Variants in MCC observed in about 807,000 individuals in gnomAD.
The protein encoded by MCC is colorectal mutant cancer protein.
MCC carries 90 observed loss-of-function variants against 116.2 expected under a neutral mutation model. The observed-to-expected ratio is 0.77, with a 90% CI of 0.65 to 0.92. The LOEUF is 0.92. Ranked by LOEUF, MCC falls within the 40% of genes least tolerant of loss-of-function variation. The probability of loss-of-function intolerance (pLI) is 0.00; values close to 1 mark genes in which losing one functional copy is unlikely to be tolerated. For missense variants in MCC, 1,516 were observed against 1,312.2 expected, an observed-to-expected ratio of 1.16 and a Z score of -2.40; for synonymous variants, 578 against 510.5, an observed-to-expected ratio of 1.13 and a Z score of -1.78.
chr5:113,207,104 G>A (rs903010861), intron 3 of MCC, among the ~76,000 whole-genome samples: 1 of 152,174 alleles, frequency 6.6e-6, no homozygotes, highest in Non-Finnish European at 1.5e-5. Flanking sequence ...TTTTTCCAAA[G>A]AGCTGGCATC....
intron 2 of MCC, among the ~76,000 whole-genome samples, chr5:113,358,988 A>T (rs1007889243): frequency 1.3e-5 from 2 of 152,176 alleles, no homozygotes; most frequent in African/African-American, 4.8e-5. Flanking sequence ...CTGGGTGGGA[A>T]TGTACAGATA....
chr5:113,458,400 C>T (rs1771642456), intron 1 of MCC, among the ~76,000 whole-genome samples: 1 of 151,426 alleles, frequency 6.6e-6, no homozygotes, highest in African/African-American at 2.4e-5. Flanking sequence ...GGACCACGAA[C>T]CCACCAGAAG....
chr5:113,440,122 C>T (rs1561573808), intron 1 of MCC, among the ~76,000 whole-genome samples: 1 of 152,216 alleles, frequency 6.6e-6, no homozygotes, highest in Non-Finnish European at 1.5e-5. Flanking sequence ...ATACCCTCAT[C>T]TCTTCTCACC....
At chr5:113,395,908 A>G (rs1461630243) in intron 1 of MCC, among the ~76,000 whole-genome samples, 2 of 152,152 alleles carry the variant, frequency 1.3e-5, no homozygotes, top group African/African-American at 4.8e-5. Context: ...GGACTGGGAA[A>G]TGGGAGAGGG....
At chr5:113,129,743 A>G (rs1416445175) in intron 5 of MCC, among the ~76,000 whole-genome samples, 1 of 152,272 alleles carries the variant, frequency 6.6e-6, no homozygotes, top group Admixed American at 6.5e-5. Context: ...AAAGCTCATC[A>G]TCACTGGTCA....
chr5:113,362,432 C>G (rs1768573440), intron 2 of MCC, among the ~76,000 whole-genome samples: 1 of 152,182 alleles, frequency 6.6e-6, no homozygotes, highest in Non-Finnish European at 1.5e-5. Flanking sequence ...GCATATCTTG[C>G]AGTTGGGTGG....
At chr5:113,120,571 T>A (rs941814479) in intron 6 of MCC, among the ~76,000 whole-genome samples, 2 of 152,230 alleles carry the variant, frequency 1.3e-5, no homozygotes, top group African/African-American at 4.8e-5. Context: ...TATTACCTCA[T>A]TCATTCATTC....
intron 17 of MCC, among the ~76,000 whole-genome samples, chr5:113,032,874 G>A (rs879699153): frequency 3.3e-5 from 5 of 152,158 alleles, no homozygotes; most frequent in Admixed American, 6.5e-5. Flanking sequence ...TCTCACCAGC[G>A]CCACAACAGT....
chr5:113,438,086 C>G (rs1770913279), intron 1 of MCC, among the ~76,000 whole-genome samples: 1 of 152,130 alleles, frequency 6.6e-6, no homozygotes, highest in South Asian at 2.1e-4. Flanking sequence ...TTTTCTAATG[C>G]AAAATGCATG....
In MCC at chr5:113,071,208, T is replaced by C; in HGVS notation, c.1811A>G (p.Asn604Ser). The C allele has an allele frequency of 1.9e-6, 3 of 1,614,096 alleles. No homozygotes were observed. The highest frequency in any genetic ancestry group is 2.5e-6 in the Non-Finnish European group (3 of 1,179,986). The change falls in exon 12 of 19, where the codon AAT becomes AGT. Residue 604 changes from asparagine (N) to serine (S), a missense_variant. Transcript: ENST00000408903. Reference sequence around the variant, plus strand: ...CTCCAAGGTTATGGTCAGGAGGTCATTTTGGGATTTGAGGTGCTCAATCCG... The same window carrying C: ...CTCCAAGGTTATGGTCAGGAGGTCACTTTGGGATTTGAGGTGCTCAATCCG... Reference protein sequence around the residue: ...NSRIEHLKSQNDLLTITLEEC... With the variant: ...NSRIEHLKSQSDLLTITLEEC...
intron 17 of MCC, among the ~76,000 whole-genome samples, chr5:113,034,080 G>C (rs371147403): frequency 2.0e-5 from 1 of 48,926 alleles, no homozygotes; most frequent in African/African-American, 5.9e-5. Flanking sequence ...TTTTTTTTTT[G>C]TAGAGATAGG....
intron 1 of MCC, among the ~76,000 whole-genome samples, chr5:113,467,098 G>A (rs956306234): frequency 1.7e-4 from 26 of 150,658 alleles, no homozygotes; most frequent in Non-Finnish European, 3.1e-4. Flanking sequence ...TTTGTCAGAT[G>A]AGTAGGTTGC....
At position 113,434,167 on chromosome 5, in the gene MCC, G is replaced by A; in HGVS notation, c.171-48955C>T. ...ACGCGGTGCTCCTTCTGGATACGCAGCATCTTCTTGATGTTGGAGTCGTCG... is the reference window on the plus strand; with the variant it reads ...ACGCGGTGCTCCTTCTGGATACGCAACATCTTCTTGATGTTGGAGTCGTCG... On this transcript the variant is annotated intron_variant, in intron 1 of 18. Coordinates refer to ENST00000408903, the MANE Select transcript of MCC (RefSeq NM_001085377.2). The surrounding 1 kb of genome is among the most constrained non-coding windows in gnomAD (Gnocchi z 4.2). 6.2e-7 allele frequency: 1 copy of A among 1,614,214 alleles called. No individual in the cohort carries two copies. The highest frequency in any genetic ancestry group is 8.5e-7 in the Non-Finnish European group (1 of 1,180,028).
chr5:113,173,441 T>C (rs574663232), intron 3 of MCC, among the ~76,000 whole-genome samples: 2 of 152,316 alleles, frequency 1.3e-5, no homozygotes, highest in East Asian at 3.9e-4. Context: ...CATAGTGTAA[T>C]ATCTCCCCCT....
intron 3 of MCC, among the ~76,000 whole-genome samples, chr5:113,235,928 C>T (rs1277386820): frequency 1.3e-5 from 2 of 152,182 alleles, no homozygotes; most frequent in Non-Finnish European, 2.9e-5. Context: ...CGTTAAAATT[C>T]GGTCAGAGTC....
At chr5:113,165,388 T>C (rs1458494782) in intron 3 of MCC, among the ~76,000 whole-genome samples, 2 of 152,226 alleles carry the variant, frequency 1.3e-5, no homozygotes, top group African/African-American at 2.4e-5. Context: ...AACACCAACA[T>C]TGTATCACAT....
intron 3 of MCC, among the ~76,000 whole-genome samples, chr5:113,233,158 G>C (rs1764000629): frequency 1.3e-5 from 2 of 152,152 alleles, no homozygotes; most frequent in South Asian, 4.1e-4. Context: ...GAGGCTATCA[G>C]AGGAGAGGAA....
chr5:113,343,423 C>T (rs890164819), intron 2 of MCC, among the ~76,000 whole-genome samples: 4 of 152,216 alleles, frequency 2.6e-5, no homozygotes, highest in South Asian at 2.1e-4. Context: ...TGCCAAATGC[C>T]TGCTCTCCCT....
intron 11 of MCC, among the ~76,000 whole-genome samples, chr5:113,079,128 A>T (rs939579606): frequency 3.9e-5 from 6 of 152,210 alleles, no homozygotes; most frequent in African/African-American, 1.4e-4. Flanking sequence ...CTTCAAGGAG[A>T]ACTACAAACC....
Sources: gnomAD v4.1 joint callset for allele counts (sites outside exome capture counted in the v4.1 genomes callset) on GRCh38, gnomAD v4.1.1 for gene constraint, Gnocchi (gnomAD v3.1) non-coding constraint, MANE v1.5 for transcripts, NCBI Gene and HGNC (gene_info 2026-07-23, HGNC 2026-07-21) for gene names.